RBFOX3: variants seen among roughly 807,000 people sequenced by gnomAD.
RBFOX3 encodes the protein RNA binding protein fox-1 homolog 3.
In RBFOX3, 17 loss-of-function variants were observed where a neutral mutation model predicts 48.7. That is an observed-to-expected ratio of 0.35 (90% CI 0.24 to 0.52). RBFOX3 has a LOEUF of 0.52. Among genes scored for constraint, RBFOX3 ranks in the 20% least tolerant of loss-of-function variants. RBFOX3 has a pLI of 0.94. For synonymous variants in RBFOX3, 212 were observed against 209.5 expected, an observed-to-expected ratio of 1.01 and a Z score of -0.10; for missense variants, 382 against 497.5, an observed-to-expected ratio of 0.77 and a Z score of 2.21.
intron 1 of RBFOX3, among the ~76,000 whole-genome samples, chr17:79,549,549 T>C (rs543159881): frequency 8.9e-4 from 135 of 152,354 alleles, no homozygotes; most frequent in African/African-American, 3.0e-3. Flanking sequence ...ATGATTTGTG[T>C]CTGTGTCAAA....
Position 79,105,154 on chromosome 17 carries a change from CG to C in RBFOX3, c.361-1029del, listed in dbSNP as rs534106294. Among the ~76,000 whole-genome samples the C allele has an allele frequency of 3.9e-5, 6 of 152,294 alleles. No homozygotes were observed. In the East Asian group the frequency reaches 1.2e-3, roughly 29 times the overall value. On this transcript the variant is annotated intron_variant, in intron 6 of 14. Coordinates refer to ENST00000693108, the MANE Select transcript of RBFOX3 (RefSeq NM_001350451.2). ...AGTCACCTCCACACAGTCCTGGAGG[CG>C]GGGGGTGCAGCAAGCCCCAGTGGGG... is the stretch of plus-strand genomic sequence containing the variant.
At chr17:79,259,942 G>A (rs571913450) in intron 3 of RBFOX3, among the ~76,000 whole-genome samples, 96 of 152,254 alleles carry the variant, frequency 6.3e-4, no homozygotes, top group African/African-American at 2.2e-3. Flanking sequence ...CAGCAGGGAT[G>A]TGAATCCAGT....
intron 1 of RBFOX3, among the ~76,000 whole-genome samples, chr17:79,530,954 C>T (rs2087662363): frequency 1.3e-5 from 2 of 152,300 alleles, no homozygotes; most frequent in South Asian, 4.1e-4. Context: ...CTGTGCCGTG[C>T]GGCAGGAAGG....
At chr17:79,173,035 C>G (rs940155553) in intron 4 of RBFOX3, among the ~76,000 whole-genome samples, 2 of 152,252 alleles carry the variant, frequency 1.3e-5, no homozygotes, top group African/African-American at 2.4e-5. Context: ...ATGGTGAAAC[C>G]CCATCTCTAC....
At chr17:79,341,696 C>T (rs1219048417) in intron 2 of RBFOX3, among the ~76,000 whole-genome samples, 1 of 151,872 alleles carries the variant, frequency 6.6e-6, no homozygotes. Context: ...GCATGGGGGA[C>T]AGAGCCAGGG....
intron 2 of RBFOX3, among the ~76,000 whole-genome samples, chr17:79,417,529 G>C (rs537662847): frequency 6.6e-6 from 1 of 152,330 alleles, no homozygotes; most frequent in Admixed American, 6.5e-5. Context: ...TGGGCTGCCC[G>C]ACACCCATAA....
At chr17:79,114,551 C>T (rs977360769) in intron 5 of RBFOX3, among the ~76,000 whole-genome samples, 9 of 152,226 alleles carry the variant, frequency 5.9e-5, no homozygotes, top group Non-Finnish European at 5.9e-5. Context: ...TCTGCGTCCA[C>T]GCAGCACGCT....
At chr17:79,287,094 G>T (rs537708161) in intron 3 of RBFOX3, among the ~76,000 whole-genome samples, 1 of 152,266 alleles carries the variant, frequency 6.6e-6, no homozygotes, top group African/African-American at 2.4e-5. Context: ...TTACCCAGAG[G>T]ACAACTTGCT....
intron 1 of RBFOX3, among the ~76,000 whole-genome samples, chr17:79,544,673 G>A (rs2090156006): frequency 6.6e-6 from 1 of 151,956 alleles, no homozygotes; most frequent in African/African-American, 2.4e-5. Context: ...ACACCTGGCT[G>A]CCTTCCCCAG....
At chr17:79,147,792 G>A (rs1324254736) in intron 4 of RBFOX3, among the ~76,000 whole-genome samples, 2 of 152,244 alleles carry the variant, frequency 1.3e-5, no homozygotes, top group Non-Finnish European at 2.9e-5. Context: ...GCCGGTGGGC[G>A]ACGAGGCAGT....
intron 2 of RBFOX3, among the ~76,000 whole-genome samples, chr17:79,460,996 C>G (rs1238930263): frequency 6.6e-6 from 1 of 152,178 alleles, no homozygotes; most frequent in Non-Finnish European, 1.5e-5. Context: ...CTCACCAGTT[C>G]TTGCCAGAAA....
At chr17:79,523,007 A>T (rs2086326364) in intron 1 of RBFOX3, among the ~76,000 whole-genome samples, 1 of 151,060 alleles carries the variant, frequency 6.6e-6, no homozygotes, top group Non-Finnish European at 1.5e-5. Context: ...TGGGGACATT[A>T]TGCTGAGTGA....
chr17:79,378,756 G>C (rs1383683830), intron 2 of RBFOX3, among the ~76,000 whole-genome samples: 3 of 152,202 alleles, frequency 2.0e-5, no homozygotes, highest in Admixed American at 2.0e-4. Flanking sequence ...CTCCAGTAGG[G>C]GCTAATGGAT....
At chr17:79,113,900 T>C (rs1421800720) in intron 5 of RBFOX3, among the ~76,000 whole-genome samples, 1 of 152,204 alleles carries the variant, frequency 6.6e-6, no homozygotes, top group Non-Finnish European at 1.5e-5. Context: ...CCTGGTAGGC[T>C]GTGTCTGGTG....
At chr17:79,412,627 A>G (rs957110164) in intron 2 of RBFOX3, among the ~76,000 whole-genome samples, 2 of 148,556 alleles carry the variant, frequency 1.3e-5, no homozygotes, top group Non-Finnish European at 1.5e-5. Flanking sequence ...TGTGTGTGTG[A>G]ATGTGTGCAT....
chr17:79,522,200 G>A (rs1243502877), intron 1 of RBFOX3, among the ~76,000 whole-genome samples: 2 of 152,196 alleles, frequency 1.3e-5, no homozygotes, highest in Non-Finnish European at 2.9e-5. Context: ...CACCTTTGAG[G>A]AGCTGGTTCT....
In RBFOX3 at chr17:79,299,763, G is replaced by A. The variant is rs1257715597; in HGVS notation, c.-74+7961C>T. On this transcript the variant is annotated intron_variant, in intron 3 of 14. Coordinates refer to ENST00000693108, the MANE Select transcript of RBFOX3 (RefSeq NM_001350451.2). The surrounding 1 kb of genome is among the most constrained non-coding windows in gnomAD (Gnocchi z 4.5). ...TCCTGAAGAGGAGATTAGGACAGACGCAAACAGAGGGATGGCCACATAAGG... is the reference window on the plus strand; with the variant it reads ...TCCTGAAGAGGAGATTAGGACAGACACAAACAGAGGGATGGCCACATAAGG... 6.6e-6 allele frequency among the ~76,000 whole-genome samples: 1 copy of A among 152,310 alleles called. No homozygotes were observed. The highest frequency in any genetic ancestry group is 1.9e-4 in the East Asian group (1 of 5,180).
At chr17:79,591,768 G>A (rs1307659764) in intron 1 of RBFOX3, among the ~76,000 whole-genome samples, 2 of 152,146 alleles carry the variant, frequency 1.3e-5, no homozygotes, top group African/African-American at 4.8e-5. Context: ...GGAGCCTGAT[G>A]AGGATGGAAT....
At chr17:79,497,944 C>A (rs980090842) in intron 1 of RBFOX3, among the ~76,000 whole-genome samples, 4 of 152,330 alleles carry the variant, frequency 2.6e-5, no homozygotes, top group Admixed American at 1.3e-4. Context: ...TGGACCAGAC[C>A]CCTAGAAGAG....
Sources: gnomAD v4.1 joint callset for allele counts (sites outside exome capture counted in the v4.1 genomes callset) on GRCh38, gnomAD v4.1.1 for gene constraint, Gnocchi (gnomAD v3.1) non-coding constraint, MANE v1.5 for transcripts, NCBI Gene and HGNC (gene_info 2026-07-23, HGNC 2026-07-21) for gene names.